The following ARHGAP21 variants were observed in gnomAD, a reference collection of about 807,000 sequenced individuals.
ARHGAP21 encodes the protein rho GTPase-activating protein 21.
Under a neutral mutation model 164.6 loss-of-function variants are expected in ARHGAP21, and 38 were observed. That is an observed-to-expected ratio of 0.23 (90% CI 0.18 to 0.30). ARHGAP21 has a LOEUF of 0.30. ARHGAP21 is among the 10% of genes least tolerant of loss of function. ARHGAP21 has a pLI of 1.00. For missense variants in ARHGAP21, 1,822 were observed against 2,370.7 expected, an observed-to-expected ratio of 0.77 and a Z score of 4.81; for synonymous variants, 766 against 857.9, an observed-to-expected ratio of 0.89 and a Z score of 1.87.
chr10:24,614,698 G>A (rs954924390), intron 9 of ARHGAP21, among the ~76,000 whole-genome samples: 2 of 147,418 alleles, frequency 1.4e-5, no homozygotes, highest in African/African-American at 2.5e-5. Context: ...TGGGAGAATC[G>A]CTTGAACCTG....
chr10:24,663,545 T>A (rs1565123278), intron 4 of ARHGAP21, among the ~76,000 whole-genome samples: 1 of 152,270 alleles, frequency 6.6e-6, no homozygotes, highest in African/African-American at 2.4e-5. Flanking sequence ...TATTATTATT[T>A]TGAGACAGAG....
intron 9 of ARHGAP21, among the ~76,000 whole-genome samples, chr10:24,618,385 C>CA (rs1019472767): frequency 3.3e-5 from 5 of 151,630 alleles, no homozygotes. Flanking sequence ...AAACATGTAA[C>CA]AAAAAAACAA....
intron 2 of ARHGAP21, among the ~76,000 whole-genome samples, chr10:24,696,773 A>G (rs1283915810): frequency 6.6e-6 from 1 of 152,178 alleles, no homozygotes; most frequent in African/African-American, 2.4e-5. Flanking sequence ...CGGGCCTGCT[A>G]AACACGTCTA....
intron 9 of ARHGAP21, among the ~76,000 whole-genome samples, chr10:24,619,245 G>C (rs1320990099): frequency 6.8e-6 from 1 of 146,154 alleles, no homozygotes; most frequent in African/African-American, 2.5e-5. Context: ...ATGGGTACTA[G>C]GTACATGAAG....
intron 5 of ARHGAP21, 75 bp from the exon 6 acceptor site, chr10:24,633,555 G>T: frequency 1.1e-6 from 1 of 909,302 alleles, no homozygotes; most frequent in Non-Finnish European, 1.7e-6. Context: ...AATATTTCTT[G>T]AATAATGTCC....
At chr10:24,716,669 G>C (rs562956298) in intron 2 of ARHGAP21, among the ~76,000 whole-genome samples, 47 of 152,350 alleles carry the variant, frequency 3.1e-4, no homozygotes, top group African/African-American at 1.0e-3. Context: ...TTGAGCAAAG[G>C]AATGACACAA....
chr10:24,652,901 T>C (rs1261603061), intron 4 of ARHGAP21, among the ~76,000 whole-genome samples: 2 of 152,140 alleles, frequency 1.3e-5, no homozygotes, highest in East Asian at 3.8e-4. Flanking sequence ...GACCCAGCAA[T>C]GCCTAGATAT....
intron 2 of ARHGAP21, among the ~76,000 whole-genome samples, chr10:24,715,734 G>A (rs1055936682): frequency 6.6e-6 from 1 of 152,168 alleles, no homozygotes; most frequent in Non-Finnish European, 1.5e-5. Flanking sequence ...TCAGCTGGGC[G>A]CAGTGGCTCA....
At position 24,720,514 on chromosome 10, in the gene ARHGAP21, T is replaced by G. The variant is rs181337676; in HGVS notation, c.63+1323A>C. ...GCCTGCAAGCAGGTGTTTACAGATG[T>G]CAAAAAGTAAAACACTGATTCTAAA... is the stretch of plus-strand genomic sequence containing the variant. On this transcript the variant is annotated intron_variant, in intron 2 of 25. Transcript: ENST00000396432. Among the ~76,000 whole-genome samples the G allele has an allele frequency of 3.3e-3, 509 of 152,308 alleles. 2 individuals are homozygous for G. The highest frequency in any genetic ancestry group is 0.01 in the Middle Eastern group (3 of 294).
intron 2 of ARHGAP21, among the ~76,000 whole-genome samples, chr10:24,674,942 G>A (rs1841068677): frequency 6.6e-6 from 1 of 152,164 alleles, no homozygotes; most frequent in Admixed American, 6.5e-5. Context: ...ACCATACTGA[G>A]TGTTGGTCAG....
chr10:24,681,524 A>G lies in ARHGAP21; in HGVS notation c.64-11127T>C, dbSNP rs1268715990. Among the ~76,000 whole-genome samples, 4 of 152,204 alleles carry G rather than the reference A, an allele frequency of 2.6e-5. No homozygotes were observed. The East Asian group carries it at 5.8e-4, about 22-fold the overall frequency. Reference sequence around the variant, plus strand: ...TCCTAGTATATTCCAGGAATCATTCATAAGACCCAAGAAAGCATTTTATAC... The same window carrying G: ...TCCTAGTATATTCCAGGAATCATTCGTAAGACCCAAGAAAGCATTTTATAC... On this transcript the variant is annotated intron_variant, in intron 2 of 25. Coordinates refer to ENST00000396432, the MANE Select transcript of ARHGAP21 (RefSeq NM_020824.4).
chr10:24,629,225 G>A (rs577747664), intron 7 of ARHGAP21: 2 of 150,544 alleles, frequency 1.3e-5, no homozygotes, highest in East Asian at 2.0e-4. Flanking sequence ...GGCTAGTCTC[G>A]AACTCCTGAC....
chr10:24,665,730 C>G (rs952780600), intron 4 of ARHGAP21, among the ~76,000 whole-genome samples: 3 of 152,110 alleles, frequency 2.0e-5, no homozygotes, highest in Non-Finnish European at 2.9e-5. Flanking sequence ...TATACACTTA[C>G]AATAGATGCA....
At chr10:24,619,375 G>A in intron 9 of ARHGAP21, 98 bp downstream of exon 9, 2 of 1,197,074 alleles carry the variant, frequency 1.7e-6, no homozygotes, top group South Asian at 3.0e-5. Flanking sequence ...TAAAATCACA[G>A]TGTAAGACTT....
chr10:24,612,066 A>G (rs2077286125), intron 9 of ARHGAP21, among the ~76,000 whole-genome samples: 1 of 152,198 alleles, frequency 6.6e-6, no homozygotes. Context: ...CCATAATTAC[A>G]AAGAAGCATA....
intron 4 of ARHGAP21, among the ~76,000 whole-genome samples, chr10:24,661,058 A>G (rs1361097555): frequency 6.6e-6 from 1 of 151,748 alleles, no homozygotes; most frequent in Admixed American, 6.6e-5. Context: ...CCATCCCACT[A>G]TTCTTATTTT....
intron 2 of ARHGAP21, among the ~76,000 whole-genome samples, chr10:24,698,059 A>G (rs1257141675): frequency 6.6e-6 from 1 of 152,030 alleles, no homozygotes; most frequent in African/African-American, 2.4e-5. Flanking sequence ...ATTAAGTGCT[A>G]CATTCTTTAA....
chr10:24,595,887 C>T lies in ARHGAP21; in HGVS notation c.3633+1G>A. 1 of 1,611,964 alleles carries T rather than the reference C, an allele frequency of 6.2e-7. No individual in the cohort carries two copies. The highest frequency in any genetic ancestry group is 8.5e-7 in the Non-Finnish European group (1 of 1,179,302). On this transcript the variant is annotated splice_donor_variant, in intron 18 of 25. Coordinates refer to ENST00000396432, the MANE Select transcript of ARHGAP21 (RefSeq NM_020824.4). LOFTEE classifies it high-confidence loss of function. Reference sequence around the variant, plus strand: ...TCAGTTATTCAAATAAGCAAACTTACATCATCTTGTATATCAATATCAGCC... The same window carrying T: ...TCAGTTATTCAAATAAGCAAACTTATATCATCTTGTATATCAATATCAGCC...
intron 9 of ARHGAP21, among the ~76,000 whole-genome samples, chr10:24,608,744 T>C (rs1481935560): frequency 6.6e-6 from 1 of 150,434 alleles, no homozygotes; most frequent in Non-Finnish European, 1.5e-5. Context: ...ATTCTAACTG[T>C]GTTTAGCTTA....
Sources: gnomAD v4.1 joint callset for allele counts (sites outside exome capture counted in the v4.1 genomes callset) on GRCh38, gnomAD v4.1.1 for gene constraint, MANE v1.5 for transcripts, NCBI Gene and HGNC (gene_info 2026-07-23, HGNC 2026-07-21) for gene names.